FHIT: variants seen among roughly 807,000 people sequenced by gnomAD.
FHIT encodes fragile histidine triad diadenosine triphosphatase, also known as bis(5'-adenosyl)-triphosphatase.
A neutral mutation model predicts 17.9 loss-of-function variants in FHIT; 19 were observed. The observed-to-expected ratio is 1.06, with a 90% CI of 0.74 to 1.56. FHIT has a LOEUF of 1.56. FHIT is among the 40% of genes most tolerant of loss of function. The pLI, the probability that FHIT is intolerant of heterozygous loss-of-function variation, is 0.00. For missense variants in FHIT, 248 were observed against 189.2 expected, an observed-to-expected ratio of 1.31 and a Z score of -1.82; for synonymous variants, 81 against 69.7, an observed-to-expected ratio of 1.16 and a Z score of -0.81.
At chr3:59,791,185 A>G (rs1236884061) in intron 8 of FHIT, among the ~76,000 whole-genome samples, 2 of 152,080 alleles carry the variant, frequency 1.3e-5, no homozygotes, top group African/African-American at 4.8e-5. Context: ...TGGCCTTGGG[A>G]TGGGTTCATA....
chr3:60,404,016 A>T (rs1701759603), intron 5 of FHIT, among the ~76,000 whole-genome samples: 1 of 152,198 alleles, frequency 6.6e-6, no homozygotes, highest in Non-Finnish European at 1.5e-5. Context: ...GGAAATTGAA[A>T]GTACATCTGC....
At chr3:61,116,245 T>C (rs1166805007) in intron 2 of FHIT, among the ~76,000 whole-genome samples, 1 of 152,178 alleles carries the variant, frequency 6.6e-6, no homozygotes, top group Non-Finnish European at 1.5e-5. Context: ...TCTAGTACTT[T>C]AAAAATTCAT....
intron 3 of FHIT, among the ~76,000 whole-genome samples, chr3:60,909,731 T>A (rs1706629251): frequency 6.6e-6 from 1 of 152,204 alleles, no homozygotes; most frequent in African/African-American, 2.4e-5. Flanking sequence ...AATGCGTATT[T>A]GTCATAGAGT....
intron 3 of FHIT, among the ~76,000 whole-genome samples, chr3:60,987,072 T>C (rs928338183): frequency 6.6e-6 from 1 of 152,228 alleles, no homozygotes; most frequent in African/African-American, 2.4e-5. Context: ...AGACCATATG[T>C]GAGCAGTTGG....
chr3:60,399,976 T>A (rs569186502), intron 5 of FHIT, among the ~76,000 whole-genome samples: 1 of 152,250 alleles, frequency 6.6e-6, no homozygotes, highest in South Asian at 2.1e-4. Flanking sequence ...CAGGAACTAG[T>A]CTGAGGCAGT....
At chr3:61,216,506 A>G (rs987772075) in intron 1 of FHIT, among the ~76,000 whole-genome samples, 2 of 152,144 alleles carry the variant, frequency 1.3e-5, no homozygotes, top group African/African-American at 4.8e-5. Flanking sequence ...AGGTGCTGGA[A>G]AGGTTGTGGA....
At chr3:61,196,356 A>G (rs9841468) in intron 2 of FHIT, among the ~76,000 whole-genome samples, 36,401 of 151,910 alleles carry the variant, frequency 0.24, 5,459 homozygotes, top group East Asian at 0.71. Flanking sequence ...TGTAATGCAT[A>G]TAAGTACAAT....
intron 5 of FHIT, among the ~76,000 whole-genome samples, chr3:60,204,564 T>C (rs1703077792): frequency 6.6e-6 from 1 of 151,992 alleles, no homozygotes; most frequent in African/African-American, 2.4e-5. Context: ...GTGCTGGGAT[T>C]ACAGGGGTGA....
At chr3:60,536,624 A>C in intron 5 of FHIT, 1 of 401,282 alleles carries the variant, frequency 2.5e-6, no homozygotes, top group South Asian at 1.1e-4. Context: ...CACGGTTGCT[A>C]AGCAACTCTC....
At chr3:59,822,762 C>T (rs1176406460) in intron 8 of FHIT, among the ~76,000 whole-genome samples, 1 of 152,144 alleles carries the variant, frequency 6.6e-6, no homozygotes, top group Non-Finnish European at 1.5e-5. Flanking sequence ...TCTATTTAGT[C>T]TGCTGACTGT....
chr3:60,434,333 T>A (rs1391831596), intron 5 of FHIT, among the ~76,000 whole-genome samples: 1 of 152,132 alleles, frequency 6.6e-6, no homozygotes, highest in Non-Finnish European at 1.5e-5. Flanking sequence ...TAGTCACTTT[T>A]AAAGAATAGG....
intron 4 of FHIT, among the ~76,000 whole-genome samples, chr3:60,804,762 C>G (rs148521568): frequency 4.5e-4 from 68 of 152,298 alleles, no homozygotes; most frequent in African/African-American, 1.6e-3. Context: ...TCTTTCTCCT[C>G]TCAACTGTCC....
In FHIT at chr3:60,253,820, A is replaced by C. The variant is rs557725519; in HGVS notation, c.104-239668T>G. Among the ~76,000 whole-genome samples the C allele has an allele frequency of 5.3e-4, 81 of 152,350 alleles. 1 individual carries two copies. The highest frequency in any genetic ancestry group is 1.6e-3 in the African/African-American group (66 of 41,594). ...ATAAAACACCAGGACAAAACGTGGTATCCTTCTCCAGAATGCACAGGAAAT... is the reference window on the plus strand; with the variant it reads ...ATAAAACACCAGGACAAAACGTGGTCTCCTTCTCCAGAATGCACAGGAAAT... On this transcript the variant is annotated intron_variant, in intron 5 of 9. Transcript: ENST00000492590.
intron 3 of FHIT, among the ~76,000 whole-genome samples, chr3:60,934,677 C>T (rs985234713): frequency 4.6e-5 from 7 of 152,184 alleles, no homozygotes; most frequent in Admixed American, 2.0e-4. Flanking sequence ...AGTATCCTAC[C>T]TTGCTTAAGT....
chr3:60,630,238 A>C (rs574191372), intron 4 of FHIT, among the ~76,000 whole-genome samples: 4 of 152,344 alleles, frequency 2.6e-5, no homozygotes, highest in Admixed American at 2.6e-4. Context: ...ATGTGACACA[A>C]CTAGTGTGAT....
chr3:59,882,291 G>T (rs184454041), intron 8 of FHIT, among the ~76,000 whole-genome samples: 7 of 151,962 alleles, frequency 4.6e-5, no homozygotes, highest in Non-Finnish European at 7.4e-5. Flanking sequence ...AGTTAATATC[G>T]TTTATGAAAC....
chr3:61,098,747 G>A (rs1024851003), intron 2 of FHIT, among the ~76,000 whole-genome samples: 8 of 152,046 alleles, frequency 5.3e-5, no homozygotes, highest in African/African-American at 1.4e-4. Flanking sequence ...TTTGGCTCTC[G>A]GCTTGACTAT....
chr3:59,763,697 T>C (rs891124847), intron 8 of FHIT, among the ~76,000 whole-genome samples: 4 of 152,088 alleles, frequency 2.6e-5, no homozygotes, highest in African/African-American at 9.7e-5. Context: ...TGAGACAATA[T>C]GGTCAGAAAA....
At chr3:60,744,269 A>AAAAAAAC (rs1559688142) in intron 4 of FHIT, among the ~76,000 whole-genome samples, 20 of 16,054 alleles carry the variant, frequency 1.2e-3, no homozygotes, top group Non-Finnish European at 1.3e-3. Context: ...AAAACAAAAC[A>AAAAAAAC]AAAAAAAAAA....
Sources: gnomAD v4.1 joint callset for allele counts (sites outside exome capture counted in the v4.1 genomes callset) on GRCh38, gnomAD v4.1.1 for gene constraint, MANE v1.5 for transcripts, NCBI Gene and HGNC (gene_info 2026-07-23, HGNC 2026-07-21) for gene names.